Variants in SMARCAL1 observed in about 807,000 individuals in gnomAD.
The protein encoded by SMARCAL1 is SNF2 related chromatin remodeling annealing helicase 1.
In SMARCAL1, 58 loss-of-function variants were observed where a neutral mutation model predicts 94.5. The ratio of observed to expected loss-of-function variants is 0.61; its 90% CI spans 0.50 to 0.76. The LOEUF (loss-of-function observed/expected upper bound fraction) is 0.76. Among genes scored for constraint, SMARCAL1 ranks in the 30% least tolerant of loss-of-function variants. The pLI is 0.00. For synonymous variants in SMARCAL1, 422 were observed against 455.1 expected, an observed-to-expected ratio of 0.93 and a Z score of 0.93; for missense variants, 1,051 against 1,177.9, an observed-to-expected ratio of 0.89 and a Z score of 1.58.
At chr2:216,431,944 T>A (rs1693972926) in intron 7 of SMARCAL1, among the ~76,000 whole-genome samples, 1 of 152,202 alleles carries the variant, frequency 6.6e-6, no homozygotes. Context: ...TTTCTCTGCC[T>A]TTATGCATAC....
chr2:216,438,017 A>C (rs1694114700), intron 9 of SMARCAL1, among the ~76,000 whole-genome samples: 1 of 152,220 alleles, frequency 6.6e-6, no homozygotes, highest in South Asian at 2.1e-4. Context: ...CCCTGAGGGC[A>C]GGGGCTGGAC....
At position 216,415,561 on chromosome 2, in the gene SMARCAL1, T is replaced by TTGGAG. The variant is rs761434267; in HGVS notation, c.811+48_811+52dup. ...CTGTTTTTTTTTTTTTTTCTTATTTTTGGAGTCTCTTTTAATCTAACAGTT... is the reference window on the plus strand; with the variant it reads ...CTGTTTTTTTTTTTTTTTCTTATTTTTGGAGTGGAGTCTCTTTTAATCTAACAGTT... On this transcript the variant is annotated intron_variant, in intron 3 of 17. Coordinates refer to ENST00000357276, the MANE Select transcript of SMARCAL1 (RefSeq NM_014140.4). 7.4e-6 allele frequency: 11 copies of TTGGAG among 1,488,642 alleles called. No individual in the cohort carries two copies. The Admixed American group carries it at 1.9e-4, about 25-fold the overall frequency. 92.2% of individuals were successfully genotyped at this position (1,488,642 alleles called of 1,614,324 possible).
intron 11 of SMARCAL1, among the ~76,000 whole-genome samples, chr2:216,450,503 AG>A (rs1694424552): frequency 6.6e-6 from 1 of 152,246 alleles, no homozygotes; most frequent in South Asian, 2.1e-4. Flanking sequence ...TTTAGTGTAC[AG>A]GAATAGTCTG....
rs1248956625 is a variant in SMARCAL1 at position 216,415,063 on chromosome 2, C to T, written c.359C>T (p.Thr120Ile). The T allele has an allele frequency of 6.2e-7, 1 of 1,614,236 alleles. No individual in the cohort carries two copies. The change falls in exon 3 of 18, where the codon ACT becomes ATT. Residue 120 changes from threonine to isoleucine, a missense_variant. Physicochemically the swap from Thr to Ile is moderately conservative, Grantham distance 89. This residue lies in a region of SMARCAL1 where 398 missense variants were observed against 395.2 expected (regional missense o/e 1.01). Coordinates refer to ENST00000357276, the MANE Select transcript of SMARCAL1 (RefSeq NM_014140.4). ...AGTCCACGTAGTCAAATGGCTCTCA[C>T]TGGAATCTCTCCTCCCTTGGCACAA... Reference protein sequence around the residue: ...GHSPRSQMALTGISPPLAQSP... With the variant: ...GHSPRSQMALIGISPPLAQSP...
chr2:216,415,563 G>A, intron 3 of SMARCAL1, 48 bp downstream of exon 3: 1 of 1,472,766 alleles, frequency 6.8e-7, no homozygotes, highest in Non-Finnish European at 9.3e-7. Flanking sequence ...TCTTATTTTT[G>A]GAGTCTCTTT....
intron 11 of SMARCAL1, 121 bp from the exon 12 acceptor site, chr2:216,450,725 G>T: frequency 1.4e-6 from 1 of 722,508 alleles, no homozygotes; most frequent in Non-Finnish European, 2.5e-6. Flanking sequence ...TAAGTCACTT[G>T]AAGTTTTCTG....
At chr2:216,432,484 T>C (rs1693985273) in intron 7 of SMARCAL1, among the ~76,000 whole-genome samples, 1 of 152,230 alleles carries the variant, frequency 6.6e-6, no homozygotes, top group Non-Finnish European at 1.5e-5. Context: ...CTTCTCCCTT[T>C]TGACCACATT....
At chr2:216,415,632 G>C in intron 3 of SMARCAL1, 117 bp downstream of exon 3, 1 of 1,004,070 alleles carries the variant, frequency 1.0e-6, no homozygotes, top group Admixed American at 2.4e-5. Flanking sequence ...TGTCCATCCA[G>C]TTGTTAAAAA....
At position 216,416,727 on chromosome 2, in the gene SMARCAL1, A is replaced by G. The variant is rs1056055008; in HGVS notation, c.862+420A>G. Among the ~76,000 whole-genome samples, 3 of 152,216 alleles carry G rather than the reference A, an allele frequency of 2.0e-5. No individual in the cohort carries two copies. The South Asian group carries it at 6.2e-4, about 31-fold the overall frequency. On this transcript the variant is annotated intron_variant, in intron 4 of 17. Transcript: ENST00000357276. Reference sequence around the variant, plus strand: ...GTTCCCACCAGACTATGCTGGCCCCAGCAGTGACAGGCAGCTCAGGCAGCC... The same window carrying G: ...GTTCCCACCAGACTATGCTGGCCCCGGCAGTGACAGGCAGCTCAGGCAGCC...
intron 12 of SMARCAL1, among the ~76,000 whole-genome samples, chr2:216,459,576 A>T (rs1224573654): frequency 6.6e-6 from 1 of 152,106 alleles, no homozygotes; most frequent in Non-Finnish European, 1.5e-5. Context: ...CAAAAACAAG[A>T]AATGGGGAAA....
Position 216,415,522 on chromosome 2 carries a change from T to C in SMARCAL1, c.811+7T>C. On this transcript the variant is annotated splice_region_variant and intron_variant, in intron 3 of 17. Coordinates refer to ENST00000357276, the MANE Select transcript of SMARCAL1 (RefSeq NM_014140.4). ...CTGCCCAGCAAGAATTATGGTAATG[T>C]CTTCATTTTTCAGCTGTTTTTTTTT... 1 of 1,597,950 alleles carries C rather than the reference T, an allele frequency of 6.3e-7. No individual in the cohort carries two copies. The highest frequency in any genetic ancestry group is 8.5e-7 in the Non-Finnish European group (1 of 1,172,854).
At chr2:216,449,918 A>G (rs1694406005) in intron 11 of SMARCAL1, among the ~76,000 whole-genome samples, 1 of 151,804 alleles carries the variant, frequency 6.6e-6, no homozygotes, top group Non-Finnish European at 1.5e-5. Flanking sequence ...GCTCACTGCA[A>G]CCTCTGCCTC....
chr2:216,428,747 G>T lies in SMARCAL1; in HGVS notation c.1299G>T (p.Val433=). Residue 433 remains valine (V), a synonymous_variant, in exon 7 of 18, where the codon GTG becomes GTT. Coordinates refer to ENST00000357276, the MANE Select transcript of SMARCAL1 (RefSeq NM_014140.4). The part of the protein sequence containing the change: ...ADLSEVDPKL[V]SNLMPFQRAG... ...TTTCTGAAGTGGACCCCAAGCTCGT[G>T]TCTAATCTGATGCCCTTTCAGAGAG... 1 of 1,614,224 alleles carries T rather than the reference G, an allele frequency of 6.2e-7. No homozygotes were observed. The highest frequency in any genetic ancestry group is 8.5e-7 in the Non-Finnish European group (1 of 1,180,040).
chr2:216,464,810 G>GA, intron 13 of SMARCAL1, 143 bp downstream of exon 13: 1 of 718,328 alleles, frequency 1.4e-6, no homozygotes, highest in Non-Finnish European at 2.4e-6. Context: ...GTTGAGGAAG[G>GA]AAAAAATAAA....
At chr2:216,437,888 C>T (rs904964851) in intron 9 of SMARCAL1, among the ~76,000 whole-genome samples, 2 of 152,186 alleles carry the variant, frequency 1.3e-5, no homozygotes, top group Middle Eastern at 3.2e-3. Context: ...GGAATCATAT[C>T]GTCTTCTTTC....
Position 216,423,670 on chromosome 2 carries a change from G to A in SMARCAL1, c.1134G>A (p.Glu378=), listed in dbSNP as rs1255602008. The A allele has an allele frequency of 6.2e-7, 1 of 1,613,654 alleles. No individual in the cohort carries two copies. Among genetic ancestry groups the A allele is most frequent in the Non-Finnish European group, 8.5e-7 (1 of 1,179,668 alleles). Residue 378 remains glutamate (E), a synonymous_variant, in exon 6 of 18, where the codon GAG becomes GAA. Coordinates refer to ENST00000357276, the MANE Select transcript of SMARCAL1 (RefSeq NM_014140.4). ...KTRKWSFLLE[E]HSKLIAKVRC... is the part of the protein sequence containing the mutation. ...GGAAGTGGAGCTTTCTCTTGGAAGA[G>A]CACAGTAAACTAAGTGAGAAGCCTT...
intron 4 of SMARCAL1, among the ~76,000 whole-genome samples, chr2:216,418,125 G>A (rs4674087): frequency 6.6e-6 from 1 of 151,936 alleles, no homozygotes; most frequent in African/African-American, 2.4e-5. Context: ...CTCCATGTTG[G>A]CCAGGCTGGT....
At chr2:216,472,645 T>G (rs1694992171) in intron 14 of SMARCAL1, among the ~76,000 whole-genome samples, 1 of 144,852 alleles carries the variant, frequency 6.9e-6, no homozygotes, top group African/African-American at 2.6e-5. Context: ...GTAAAGGTAT[T>G]TCCTAACTCC....
chr2:216,429,360 G>C (rs1192044857), intron 7 of SMARCAL1, among the ~76,000 whole-genome samples: 1 of 152,198 alleles, frequency 6.6e-6, no homozygotes, highest in East Asian at 1.9e-4. Context: ...AGAGGGTAAG[G>C]CCTGCCCACC....
Sources: gnomAD v4.1 joint callset for allele counts (sites outside exome capture counted in the v4.1 genomes callset) on GRCh38, gnomAD v4.1.1 for gene constraint, gnomAD v4.1.1 regional missense constraint, MANE v1.5 for transcripts, NCBI Gene and HGNC (gene_info 2026-07-23, HGNC 2026-07-21) for gene names.